The following LYSMD2 variants were observed in gnomAD, a reference collection of about 807,000 sequenced individuals.
The protein encoded by LYSMD2 is LysM domain containing 2, also known as lysM and putative peptidoglycan-binding domain-containing protein 2.
LYSMD2 carries 6 observed loss-of-function variants against 17.7 expected under a neutral mutation model. The observed-to-expected ratio is 0.34, with a 90% CI of 0.19 to 0.67. The LOEUF is 0.67. Ranked by LOEUF, LYSMD2 falls within the 30% of genes least tolerant of loss-of-function variation. The pLI is 0.69. For synonymous variants in LYSMD2, 102 were observed against 129.8 expected, an observed-to-expected ratio of 0.79 and a Z score of 1.45; for missense variants, 237 against 286.7, an observed-to-expected ratio of 0.83 and a Z score of 1.25.
intron 1 of LYSMD2, among the ~76,000 whole-genome samples, chr15:51,745,571 A>G (rs900882888): frequency 2.6e-5 from 4 of 152,192 alleles, no homozygotes; most frequent in African/African-American, 9.6e-5. Flanking sequence ...AGAACATTCA[A>G]CAAAGTGGGA....
At chr15:51,728,802 A>G (rs11070864) in intron 1 of LYSMD2, among the ~76,000 whole-genome samples, 72,798 of 151,718 alleles carry the variant, frequency 0.48, 17,718 homozygotes, top group Admixed American at 0.55. Context: ...CCTGGGAGGC[A>G]GAGGTTGCAG....
At chr15:51,737,778 G>T, upstream of LYSMD2, 1 of 484,274 alleles carries the variant, frequency 2.1e-6, no homozygotes, top group Non-Finnish European at 3.1e-6. This position sits in a 1 kb window ranked among gnomAD's most constrained non-coding sequence, Gnocchi z 4.2. Context: ...GCCGCAGGCC[G>T]GGCATGGCGG....
chr15:51,750,192 C>G (rs1178659642), intron 1 of LYSMD2, among the ~76,000 whole-genome samples: 2 of 152,324 alleles, frequency 1.3e-5, no homozygotes, highest in East Asian at 3.9e-4. Flanking sequence ...CTCTCTGTGC[C>G]TCTTATTAAC....
chr15:51,737,283 A>G lies in LYSMD2; in HGVS notation c.273+67T>C. 2 of 326,190 alleles carry G rather than the reference A, an allele frequency of 6.1e-6. No individual in the cohort carries two copies. The highest frequency in any genetic ancestry group is 7.5e-6 in the Non-Finnish European group (2 of 265,212). The allele number at this position is 326,190 out of a possible 1,614,324, so 20.2% of individuals were successfully genotyped here. A position where few individuals can be genotyped will look rare whatever the true frequency, so the allele number is the denominator to read the frequency against. ...GCAGTCCCACCCCCACCCCCACCGC[A>G]CCCCGAGCCGCACCGCCTCCTGCGC... On this transcript the variant is annotated intron_variant, in intron 1 of 2. Coordinates refer to ENST00000267838, the MANE Select transcript of LYSMD2 (RefSeq NM_153374.3). The surrounding 1 kb of genome is among the most constrained non-coding windows in gnomAD (Gnocchi z 4.2).
At chr15:51,729,165 G>A (rs1396190218) in intron 1 of LYSMD2, among the ~76,000 whole-genome samples, 1 of 152,234 alleles carries the variant, frequency 6.6e-6, no homozygotes, top group African/African-American at 2.4e-5. Context: ...AATGCCCTGG[G>A]GCAGGAAAAA....
chr15:51,745,254 T>C (rs994910886), intron 1 of LYSMD2, among the ~76,000 whole-genome samples: 1 of 152,144 alleles, frequency 6.6e-6, no homozygotes, highest in Non-Finnish European at 1.5e-5. Flanking sequence ...ACTCATTTTA[T>C]AGTGCCAGTA....
chr15:51,726,222 A>G (rs564559092), intron 1 of LYSMD2, among the ~76,000 whole-genome samples: 3 of 152,380 alleles, frequency 2.0e-5, no homozygotes, highest in South Asian at 4.1e-4. Context: ...GAAAGAGAAC[A>G]TAAACATGGG....
At chr15:51,732,652 C>G (rs2055583977) in intron 1 of LYSMD2, among the ~76,000 whole-genome samples, 1 of 152,240 alleles carries the variant, frequency 6.6e-6, no homozygotes, top group African/African-American at 2.4e-5. Flanking sequence ...GCCTAGCCAG[C>G]TTCTTGAAAC....
At chr15:51,738,636 T>A (rs2055627881), upstream of LYSMD2, among the ~76,000 whole-genome samples, 1 of 152,110 alleles carries the variant, frequency 6.6e-6, no homozygotes, top group South Asian at 2.1e-4. Context: ...GTTTCTGTGT[T>A]ATTTTGGACA....
At chr15:51,740,295 G>T (rs747990451), upstream of LYSMD2, among the ~76,000 whole-genome samples, 1 of 152,086 alleles carries the variant, frequency 6.6e-6, no homozygotes, top group Non-Finnish European at 1.5e-5. Context: ...TTAAAAAAAA[G>T]AACTGAGTTA....
At position 51,735,821 on chromosome 15, in the gene LYSMD2, A is replaced by C. The variant is rs77246593; in HGVS notation, c.273+1529T>G. Among the ~76,000 whole-genome samples, 22 of 152,320 alleles carry C rather than the reference A, an allele frequency of 1.4e-4. No individual in the cohort carries two copies. The East Asian group carries it at 3.1e-3, about 21-fold the overall frequency. ...GTGGGTCACAGAGAGATTGCACGGGAAGACAGCATGGGAAATAACACTCTT... is the reference window on the plus strand; with the variant it reads ...GTGGGTCACAGAGAGATTGCACGGGCAGACAGCATGGGAAATAACACTCTT... On this transcript the variant is annotated intron_variant, in intron 1 of 2. Transcript: ENST00000267838.
At chr15:51,750,083 G>T (rs1294607160) in intron 1 of LYSMD2, among the ~76,000 whole-genome samples, 1 of 152,206 alleles carries the variant, frequency 6.6e-6, no homozygotes, top group Non-Finnish European at 1.5e-5. Flanking sequence ...GCCCTATTTT[G>T]CAATGTGCAA....
At chr15:51,743,325 T>C (rs2055652323) in intron 1 of LYSMD2, among the ~76,000 whole-genome samples, 1 of 152,352 alleles carries the variant, frequency 6.6e-6, no homozygotes, top group South Asian at 2.1e-4. Context: ...GGTCTGTGTT[T>C]AGATTCATTG....
At chr15:51,748,239 GT>G (rs2055677988) in intron 1 of LYSMD2, among the ~76,000 whole-genome samples, 1 of 134,880 alleles carries the variant, frequency 7.4e-6, no homozygotes, top group Non-Finnish European at 1.5e-5. Flanking sequence ...CTCCAGCCTG[GT>G]GACAGAACAA....
At chr15:51,724,125 G>T (rs900451327) in intron 2 of LYSMD2, among the ~76,000 whole-genome samples, 5 of 151,974 alleles carry the variant, frequency 3.3e-5, no homozygotes, top group African/African-American at 1.2e-4. Flanking sequence ...AATTTTAGTT[G>T]CAAGCTTCCC....
At chr15:51,742,511 T>C (rs1460557709), upstream of LYSMD2, among the ~76,000 whole-genome samples, 1 of 152,262 alleles carries the variant, frequency 6.6e-6, no homozygotes, top group Non-Finnish European at 1.5e-5. Context: ...TGTTGTAACA[T>C]GTATCATGTT....
rs1595851970 is a variant in LYSMD2 at position 51,736,079 on chromosome 15, A to G, written c.273+1271T>C. On this transcript the variant is annotated intron_variant, in intron 1 of 2. Coordinates refer to ENST00000267838, the MANE Select transcript of LYSMD2 (RefSeq NM_153374.3). ...ATGATCATACTTGGAAAATATCCTT[A>G]CCTCTCATCCATCTTCTCATCTGTA... 2.0e-5 allele frequency among the ~76,000 whole-genome samples: 3 copies of G among 152,314 alleles called. No homozygotes were observed. In the South Asian group the frequency reaches 6.2e-4, roughly 32 times the overall value.
At chr15:51,731,634 G>A (rs921009509) in intron 1 of LYSMD2, among the ~76,000 whole-genome samples, 1 of 152,180 alleles carries the variant, frequency 6.6e-6, no homozygotes, top group Non-Finnish European at 1.5e-5. Context: ...AAAAAGACAG[G>A]CAAGCTGCCT....
chr15:51,732,637 G>A (rs931300634), intron 1 of LYSMD2, among the ~76,000 whole-genome samples: 9 of 152,334 alleles, frequency 5.9e-5, no homozygotes, highest in African/African-American at 1.7e-4. Flanking sequence ...TCCATCAGGT[G>A]TCAGGCCTAG....
Sources: allele counts gnomAD v4.1 joint callset (sites outside exome capture counted in the v4.1 genomes callset), GRCh38; gene constraint gnomAD v4.1.1; non-coding constraint Gnocchi (gnomAD v3.1); transcripts MANE v1.5; gene names NCBI Gene and HGNC (gene_info 2026-07-23, HGNC 2026-07-21).